Variants in PPP2R5C observed in about 807,000 individuals in gnomAD.
PPP2R5C encodes the protein serine/threonine-protein phosphatase 2A 56 kDa regulatory subunit gamma isoform.
A neutral mutation model predicts 68.9 loss-of-function variants in PPP2R5C; 7 were observed. That is an observed-to-expected ratio of 0.10 (90% CI 0.06 to 0.19). The LOEUF is 0.19. Ranked by LOEUF, PPP2R5C falls within the 10% of genes least tolerant of loss-of-function variation. The pLI is 1.00. For missense variants in PPP2R5C, 348 were observed against 641.3 expected (o/e 0.54, Z 4.94); for synonymous variants, 210 against 222.2 (o/e 0.95, Z 0.49).
chr14:101,816,924 TATA>T (rs1288364033), intron 1 of PPP2R5C, among the ~76,000 whole-genome samples: 7 of 140,810 alleles, frequency 5.0e-5, no homozygotes, highest in Non-Finnish European at 1.1e-4. Context: ...TATATATTTA[TATA>T]ATATATATAA....
chr14:101,842,765 T>C (rs1382995757), intron 1 of PPP2R5C, among the ~76,000 whole-genome samples: 1 of 150,792 alleles, frequency 6.6e-6, no homozygotes, highest in Non-Finnish European at 1.5e-5. Flanking sequence ...TTCTTTTTTT[T>C]TTTTTTTTAC....
intron 2 of PPP2R5C, among the ~76,000 whole-genome samples, chr14:101,860,173 CATT>C (rs1348241644): frequency 6.6e-6 from 1 of 152,176 alleles, no homozygotes; most frequent in East Asian, 1.9e-4. Flanking sequence ...ATCCTGTACT[CATT>C]AATAGTCACT....
At chr14:101,870,781 T>A (rs971532703) in intron 2 of PPP2R5C, among the ~76,000 whole-genome samples, 3 of 152,234 alleles carry the variant, frequency 2.0e-5, no homozygotes, top group Non-Finnish European at 4.4e-5. Flanking sequence ...ACAGCATGTC[T>A]CCCCATTTTG....
At chr14:101,854,801 A>G (rs1012434023) in intron 1 of PPP2R5C, among the ~76,000 whole-genome samples, 3 of 152,242 alleles carry the variant, frequency 2.0e-5, no homozygotes, top group African/African-American at 7.2e-5. Context: ...AGAAATTTTT[A>G]AACATGTATT....
At chr14:101,816,948 T>TATATAATA (rs2039752245) in intron 1 of PPP2R5C, among the ~76,000 whole-genome samples, 1 of 142,518 alleles carries the variant, frequency 7.0e-6, no homozygotes, top group African/African-American at 2.6e-5. Flanking sequence ...TATAAAAATA[T>TATATAATA]TATATATGTA....
At chr14:101,872,846 AC>A in intron 2 of PPP2R5C, among the ~76,000 whole-genome samples, 1 of 150,944 alleles carries the variant, frequency 6.6e-6, no homozygotes, top group East Asian at 1.9e-4. Flanking sequence ...CTGTCCCATG[AC>A]CCTTTCTCTC....
chr14:101,787,561 A>G (rs1448837677), intron 3 of PPP2R5C, among the ~76,000 whole-genome samples: 2 of 151,632 alleles, frequency 1.3e-5, no homozygotes, highest in South Asian at 2.1e-4. Context: ...CAGGAGATCA[A>G]GACCATCCTG....
chr14:101,819,369 T>G, intron 1 of PPP2R5C: 1 of 347,666 alleles, frequency 2.9e-6, no homozygotes, highest in Non-Finnish European at 5.4e-6. Flanking sequence ...AAGATCTAAT[T>G]TACCTCTCAC....
At chr14:101,912,720 G>T (rs1169900293) in intron 12 of PPP2R5C, 4 of 700,736 alleles carry the variant, frequency 5.7e-6, no homozygotes, top group African/African-American at 3.7e-5. Flanking sequence ...TGAATCTTAT[G>T]CATATACTGT....
chr14:101,897,658 A>C (rs1186304029), intron 8 of PPP2R5C, among the ~76,000 whole-genome samples: 1 of 152,026 alleles, frequency 6.6e-6, no homozygotes, highest in East Asian at 1.9e-4. Flanking sequence ...ACCCCCATTA[A>C]GGGTGGGTCT....
chr14:101,882,887 C>T lies in PPP2R5C; in HGVS notation c.406-370C>T, dbSNP rs191073266. 4.4e-3 allele frequency: 832 copies of T among 190,924 alleles called. 18 individuals are homozygous for T. Among genetic ancestry groups the T allele is most frequent in the Middle Eastern group, 0.043 (18 of 420 alleles). The allele number at this position is 190,924 out of a possible 1,614,324, so 11.8% of individuals were successfully genotyped here. A position where few individuals can be genotyped will look rare whatever the true frequency, so the allele number is the denominator to read the frequency against. ...GTTCCTGTGTATTTGGTTGGCTCTGCGCCTTGGCATTGTGGGACACTCCTA... is the reference window on the plus strand; with the variant it reads ...GTTCCTGTGTATTTGGTTGGCTCTGTGCCTTGGCATTGTGGGACACTCCTA... On this transcript the variant is annotated intron_variant, in intron 3 of 13. Transcript: ENST00000334743. The surrounding 1 kb of genome is among the most constrained non-coding windows in gnomAD (Gnocchi z 4.9).
chr14:101,807,212 T>C (rs549427559), upstream of PPP2R5C, among the ~76,000 whole-genome samples: 45 of 152,352 alleles, frequency 3.0e-4, no homozygotes, highest in South Asian at 7.7e-3. Context: ...AGTTAATCAG[T>C]TGTCTGCCCC....
chr14:101,783,672 C>T lies in PPP2R5C; in HGVS notation c.94-2346C>T, dbSNP rs553722964. On this transcript the variant is annotated intron_variant, in intron 2 of 14. Coordinates refer to the PPP2R5C transcript ENST00000328724. ...AAGACCCATGGACTTGCTTCCCAGCCCCCTAGGCTGGGCCACCTTCCATGC... is the reference window on the plus strand; with the variant it reads ...AAGACCCATGGACTTGCTTCCCAGCTCCCTAGGCTGGGCCACCTTCCATGC... Among the ~76,000 whole-genome samples, 8 of 152,316 alleles carry T rather than the reference C, an allele frequency of 5.3e-5. No individual in the cohort carries two copies. In the East Asian group the frequency reaches 1.5e-3, roughly 29 times the overall value.
rs976499206 is a variant in PPP2R5C, at chr14:101,877,196, G to T, written c.295-4965G>T. On this transcript the variant is annotated intron_variant, in intron 2 of 13. Coordinates refer to ENST00000334743, the Ensembl canonical transcript of PPP2R5C. This position sits in a 1 kb window ranked among gnomAD's most constrained non-coding sequence, Gnocchi z 4.2. ...ACTCTTGACCTCAAGTGATCCACCC[G>T]CCTCGGCCTCCCAAAGTGCTGGGAT... 1.3e-5 allele frequency among the ~76,000 whole-genome samples: 2 copies of T among 151,982 alleles called. No individual in the cohort carries two copies. The highest frequency in any genetic ancestry group is 4.8e-5 in the African/African-American group (2 of 41,374).
intron 6 of PPP2R5C, among the ~76,000 whole-genome samples, chr14:101,892,642 GTA>G (rs555027205): frequency 6.6e-6 from 1 of 152,040 alleles, no homozygotes; most frequent in East Asian, 1.9e-4. Flanking sequence ...ACACACATAT[GTA>G]TATATATAGG....
intron 1 of PPP2R5C, among the ~76,000 whole-genome samples, chr14:101,855,444 T>A (rs1478946837): frequency 6.6e-6 from 1 of 152,206 alleles, no homozygotes; most frequent in African/African-American, 2.4e-5. Flanking sequence ...AAAGTTAGTA[T>A]GGGTCGTTTC....
At chr14:101,857,630 G>C (rs896904953) in intron 2 of PPP2R5C, among the ~76,000 whole-genome samples, 1 of 152,220 alleles carries the variant, frequency 6.6e-6, no homozygotes, top group Admixed American at 6.5e-5. Flanking sequence ...CCATTCCTCA[G>C]TCAGTACCAC....
chr14:101,885,355 AC>A (rs1485705597), intron 5 of PPP2R5C, among the ~76,000 whole-genome samples: 1 of 151,518 alleles, frequency 6.6e-6, no homozygotes, highest in Non-Finnish European at 1.5e-5. Flanking sequence ...CGTCGGGAGC[AC>A]CCTGCCTTTC....
At position 101,781,109 on chromosome 14, in the gene PPP2R5C, A is replaced by G. The variant is rs2037661628; in HGVS notation, c.94-4909A>G. Among the ~76,000 whole-genome samples the G allele has an allele frequency of 6.6e-6, 1 of 151,958 alleles. No individual in the cohort carries two copies. The highest frequency in any genetic ancestry group is 1.5e-5 in the Non-Finnish European group (1 of 67,982). On this transcript the variant is annotated intron_variant, in intron 2 of 14. Transcript: ENST00000328724. The surrounding 1 kb of genome is among the most constrained non-coding windows in gnomAD (Gnocchi z 6.4). ...GCTACAGGTGCCTTGCGGTGCCGCC[A>G]CTGGAGGAGTCTTTGCAGGTTTATG... is the stretch of plus-strand genomic sequence containing the variant.
Sources: allele counts gnomAD v4.1 joint callset (sites outside exome capture counted in the v4.1 genomes callset), GRCh38; gene constraint gnomAD v4.1.1; non-coding constraint Gnocchi (gnomAD v3.1); transcripts MANE v1.5; gene names NCBI Gene and HGNC (gene_info 2026-07-23, HGNC 2026-07-21).